Variants in OTOGL observed in about 807,000 individuals in gnomAD.
OTOGL encodes the protein otogelin-like protein.
Under a neutral mutation model 318.5 loss-of-function variants are expected in OTOGL, and 285 were observed. The ratio of observed to expected loss-of-function variants is 0.89; its 90% CI spans 0.81 to 0.99. The LOEUF is 0.99. OTOGL is among the 50% of genes least tolerant of loss of function. The pLI is 0.00. For missense variants in OTOGL, 2,899 were observed against 2,845.6 expected (o/e 1.02, Z -0.43); for synonymous variants, 987 against 936.5 (o/e 1.05, Z -0.99).
intron 1 of OTOGL, among the ~76,000 whole-genome samples, chr12:80,174,822 G>T (rs774081192): frequency 6.6e-6 from 1 of 152,034 alleles, no homozygotes; most frequent in African/African-American, 2.4e-5. Flanking sequence ...ATTCCTTGAA[G>T]GTGTGGCTTA....
intron 9 of OTOGL, among the ~76,000 whole-genome samples, chr12:80,237,790 A>G (rs1468491533): frequency 1.3e-5 from 2 of 152,182 alleles, no homozygotes; most frequent in Non-Finnish European, 2.9e-5. Flanking sequence ...GAATGCACAC[A>G]TTATTTTTCT....
intron 21 of OTOGL, 133 bp downstream of exon 21, chr12:80,266,749 C>G: frequency 1.1e-6 from 1 of 902,496 alleles, no homozygotes; most frequent in African/African-American, 1.7e-5. Flanking sequence ...AAAAACCCTG[C>G]AAATGTTCAT....
intron 23 of OTOGL, among the ~76,000 whole-genome samples, chr12:80,271,384 T>TTA (rs1565945024): frequency 6.6e-6 from 1 of 152,128 alleles, no homozygotes; most frequent in East Asian, 1.9e-4. Flanking sequence ...TGTAGCTTTG[T>TTA]AAAAGCCACA....
intron 1 of OTOGL, among the ~76,000 whole-genome samples, chr12:80,204,583 A>G (rs1475382857): frequency 6.6e-6 from 1 of 152,208 alleles, no homozygotes; most frequent in African/African-American, 2.4e-5. Context: ...TAACCTAGAA[A>G]ATAAAAGCGT....
chr12:80,295,653 A>C (rs1295372868), intron 26 of OTOGL, among the ~76,000 whole-genome samples: 24 of 152,194 alleles, frequency 1.6e-4, no homozygotes, highest in East Asian at 1.9e-4. Flanking sequence ...ACTGTCCACA[A>C]TCAGTGAATG....
At chr12:80,138,500 T>C (rs893732252) in intron 1 of OTOGL, among the ~76,000 whole-genome samples, 2 of 152,156 alleles carry the variant, frequency 1.3e-5, no homozygotes, top group Non-Finnish European at 2.9e-5. Flanking sequence ...ACATGTGTTC[T>C]CCAGGTTAAT....
At chr12:80,251,981 T>G in intron 12 of OTOGL, 95 bp from the exon 13 acceptor site, 1 of 1,351,426 alleles carries the variant, frequency 7.4e-7, no homozygotes, top group Non-Finnish European at 9.7e-7. Context: ...AGTTATTTTT[T>G]GCAAATTATT....
intron 2 of OTOGL, among the ~76,000 whole-genome samples, chr12:80,210,042 A>G (rs1346145682): frequency 6.6e-6 from 1 of 152,130 alleles, no homozygotes; most frequent in African/African-American, 2.4e-5. Flanking sequence ...AATTATTTTT[A>G]TGGTAATTTT....
chr12:80,274,585 A>C (rs1028649190), intron 24 of OTOGL, among the ~76,000 whole-genome samples: 1 of 152,066 alleles, frequency 6.6e-6, no homozygotes, highest in African/African-American at 2.4e-5. Context: ...AACTAAGATA[A>C]TTGATGAAGG....
At chr12:80,105,327 C>A (rs541614914) in intron 1 of OTOGL, among the ~76,000 whole-genome samples, 21 of 152,160 alleles carry the variant, frequency 1.4e-4, no homozygotes, top group Admixed American at 1.2e-3. Flanking sequence ...TAGAAGGGAA[C>A]CTATGGTTCA....
intron 32 of OTOGL, among the ~76,000 whole-genome samples, chr12:80,316,420 A>G (rs1886976358): frequency 1.3e-5 from 2 of 152,146 alleles, no homozygotes; most frequent in Admixed American, 1.3e-4. Context: ...AGAATTTTCT[A>G]TGCATATTGA....
In OTOGL at chr12:80,380,320, A is replaced by C. The variant is rs1435046192; in HGVS notation, c.*2272A>C. On this transcript the variant is annotated 3_prime_UTR_variant, in exon 59 of 59. Coordinates refer to ENST00000547103, the MANE Select transcript of OTOGL (RefSeq NM_001378609.3). ...CAGACAAATTCTGCTTGGTAGAAAAAAGTCAAAAAAAGATAAAAGCAAAGA... is the reference window on the plus strand; with the variant it reads ...CAGACAAATTCTGCTTGGTAGAAAACAGTCAAAAAAAGATAAAAGCAAAGA... The C allele has an allele frequency of 2.6e-5, 4 of 152,024 alleles. No homozygotes were observed. Among genetic ancestry groups the C allele is most frequent in the Admixed American group, 2.0e-4 (3 of 15,272 alleles). 9.4% of individuals were successfully genotyped at this position (152,024 alleles called of 1,614,324 possible).
chr12:80,179,279 A>G (rs1874752986), intron 1 of OTOGL, among the ~76,000 whole-genome samples: 4 of 152,186 alleles, frequency 2.6e-5, no homozygotes, highest in Admixed American at 2.6e-4. Context: ...TTAGAAATAG[A>G]GTCAGGCTCT....
In OTOGL at chr12:80,332,989, T is replaced by G. The variant is rs1166781417; in HGVS notation, c.4349-16T>G. On this transcript the variant is annotated splice_polypyrimidine_tract_variant and intron_variant, in intron 37 of 58. Transcript: ENST00000547103. ...ATGCATTCCACTAATGAGGATTACT[T>G]TTTCATTTCTGACAGTTTGGGAAAT... 1 of 1,569,810 alleles carries G rather than the reference T, an allele frequency of 6.4e-7. No individual in the cohort carries two copies. Among genetic ancestry groups the G allele is most frequent in the Admixed American group, 1.8e-5 (1 of 54,950 alleles).
chr12:80,175,796 C>A (rs937122198), intron 1 of OTOGL, among the ~76,000 whole-genome samples: 1 of 152,080 alleles, frequency 6.6e-6, no homozygotes, highest in Non-Finnish European at 1.5e-5. Flanking sequence ...TTGTCTATAC[C>A]AATATGAAGG....
chr12:80,352,400 G>T lies in OTOGL; in HGVS notation c.5371G>T (p.Asp1791Tyr). 4 of 1,612,064 alleles carry T rather than the reference G, an allele frequency of 2.5e-6. No individual in the cohort carries two copies. Among genetic ancestry groups the T allele is most frequent in the Non-Finnish European group, 3.4e-6 (4 of 1,178,810 alleles). Residue 1791 changes from aspartate to tyrosine, a missense_variant, in exon 45 of 59, where the codon GAT becomes TAT. Asp to Tyr is a radical substitution (Grantham distance 160). This residue lies in a region of OTOGL where 2,607 missense variants were observed against 2,524.9 expected (regional missense o/e 1.03). Coordinates refer to ENST00000547103, the MANE Select transcript of OTOGL (RefSeq NM_001378609.3). ...SAYVALCNKF[D>Y]ICIQWRTPDY... ...ATATGTGGCTCTGTGCAACAAGTTT[G>T]ATATCTGTATTCAGTGGAGAACACC... is the stretch of plus-strand genomic sequence containing the variant.
rs923053520 is a variant in OTOGL at position 80,254,966 on chromosome 12, T to C, written c.1442-74T>C. 7 of 1,198,274 alleles carry C rather than the reference T, an allele frequency of 5.8e-6. No homozygotes were observed. The South Asian group carries it at 1.5e-4, about 25-fold the overall frequency. The allele number at this position is 1,198,274 out of a possible 1,614,324, so 74.2% of individuals were successfully genotyped here. A position where few individuals can be genotyped will look rare whatever the true frequency, so the allele number is the denominator to read the frequency against. ...TGCTTTTAAAGGATTAACCTAATGG[T>C]ATCATCCTCCTCTCTCTCCTCCTCT... On this transcript the variant is annotated intron_variant, in intron 15 of 58. Coordinates refer to ENST00000547103, the MANE Select transcript of OTOGL (RefSeq NM_001378609.3).
At chr12:80,205,716 A>G (rs1461885749) in intron 1 of OTOGL, among the ~76,000 whole-genome samples, 1 of 152,216 alleles carries the variant, frequency 6.6e-6, no homozygotes, top group Non-Finnish European at 1.5e-5. Flanking sequence ...ACACAAGTAA[A>G]GAGTATTTGC....
intron 12 of OTOGL, 30 bp from the exon 13 acceptor site, chr12:80,252,046 G>T: frequency 6.7e-7 from 1 of 1,482,406 alleles, no homozygotes; most frequent in South Asian, 1.4e-5. Context: ...TAATAAAATT[G>T]ACTTAAGCTC....
Sources: gnomAD v4.1 joint callset for allele counts (sites outside exome capture counted in the v4.1 genomes callset) on GRCh38, gnomAD v4.1.1 for gene constraint, gnomAD v4.1.1 regional missense constraint, MANE v1.5 for transcripts, NCBI Gene and HGNC (gene_info 2026-07-23, HGNC 2026-07-21) for gene names.